RBFOX1: variants seen among roughly 807,000 people sequenced by gnomAD.
The protein encoded by RBFOX1 is RNA binding protein fox-1 homolog 1.
A neutral mutation model predicts 57.7 loss-of-function variants in RBFOX1; 8 were observed. The observed-to-expected ratio is 0.14, with a 90% CI of 0.08 to 0.25. The LOEUF (loss-of-function observed/expected upper bound fraction) is 0.25. Among genes scored for constraint, RBFOX1 ranks in the 10% least tolerant of loss-of-function variants. RBFOX1 has a pLI of 1.00. For synonymous variants in RBFOX1, 326 were observed against 222.4 expected (o/e 1.47, Z -4.15); for missense variants, 611 against 548.5 (o/e 1.11, Z -1.14).
chr16:7,688,279 G>GAC (rs2076552623), intron 14 of RBFOX1, among the ~76,000 whole-genome samples: 3 of 150,826 alleles, frequency 2.0e-5, no homozygotes, highest in Non-Finnish European at 4.4e-5. Flanking sequence ...GAGAGAGAGA[G>GAC]AGAGATTCAA....
In RBFOX1 at chr16:7,011,809, G is replaced by A. The variant is rs965780635; in HGVS notation, c.-15-40248G>A. Among the ~76,000 whole-genome samples, 35 of 152,240 alleles carry A rather than the reference G, an allele frequency of 2.3e-4. 1 individual carries two copies. The highest frequency in any genetic ancestry group is 6.3e-4 in the African/African-American group (26 of 41,558). ...GATTACAGGCGTGAGCCGCCGCACC[G>A]TGCCCCAAGTTGTTTTTGGACAGTG... On this transcript the variant is annotated intron_variant, in intron 3 of 15. Coordinates refer to ENST00000550418, the MANE Select transcript of RBFOX1 (RefSeq NM_018723.4).
intron 2 of RBFOX1, among the ~76,000 whole-genome samples, chr16:6,377,286 A>G (rs1245239241): frequency 5.0e-5 from 6 of 120,604 alleles, no homozygotes; most frequent in Admixed American, 1.6e-4. Flanking sequence ...AAAAAAAAAA[A>G]AAAAGAAAAA....
intron 4 of RBFOX1, among the ~76,000 whole-genome samples, chr16:7,086,549 T>A (rs2060005576): frequency 6.6e-6 from 1 of 152,090 alleles, no homozygotes; most frequent in Admixed American, 6.5e-5. Context: ...AAAGAAAAAC[T>A]AATAAAGGAA....
intron 2 of RBFOX1, among the ~76,000 whole-genome samples, chr16:5,578,525 C>G (rs1304358193): frequency 2.0e-5 from 3 of 152,282 alleles, no homozygotes; most frequent in East Asian, 3.9e-4. Context: ...AAAGAACTGT[C>G]AATTTCAAAA....
chr16:6,247,589 CTTTAT>C (rs2152937972), intron 1 of RBFOX1, among the ~76,000 whole-genome samples: 1 of 152,302 alleles, frequency 6.6e-6, no homozygotes, highest in South Asian at 2.1e-4. Context: ...GCAAGAATTA[CTTTAT>C]TTTATCTGCA....
At chr16:6,530,292 C>T (rs1443992084) in intron 2 of RBFOX1, among the ~76,000 whole-genome samples, 1 of 152,110 alleles carries the variant, frequency 6.6e-6, no homozygotes, top group Non-Finnish European at 1.5e-5. Context: ...TGCTTGCATT[C>T]CTCTTATTTG....
intron 4 of RBFOX1, among the ~76,000 whole-genome samples, chr16:7,475,009 T>C (rs969466264): frequency 4.6e-5 from 7 of 152,292 alleles, no homozygotes; most frequent in Admixed American, 3.3e-4. Flanking sequence ...CTCTAGATGG[T>C]TCCACACAAT....
intron 4 of RBFOX1, among the ~76,000 whole-genome samples, chr16:5,960,714 G>A (rs775983762): frequency 2.6e-5 from 4 of 152,232 alleles, no homozygotes; most frequent in South Asian, 4.2e-4. Flanking sequence ...GAGCCCAGCC[G>A]CACCTCCTCC....
At chr16:6,989,434 CT>C (rs1290397312) in intron 3 of RBFOX1, among the ~76,000 whole-genome samples, 4 of 152,098 alleles carry the variant, frequency 2.6e-5, no homozygotes, top group Admixed American at 6.5e-5. Context: ...GCAATTAGAA[CT>C]TTTTTTCCCC....
chr16:7,439,133 G>T (rs752148792), intron 4 of RBFOX1, among the ~76,000 whole-genome samples: 3 of 152,194 alleles, frequency 2.0e-5, no homozygotes, highest in Non-Finnish European at 2.9e-5. Context: ...GGATGCCCTT[G>T]TCCTTCTGCT....
At chr16:6,389,336 C>T (rs928943887) in intron 2 of RBFOX1, among the ~76,000 whole-genome samples, 7 of 147,864 alleles carry the variant, frequency 4.7e-5, no homozygotes, top group Non-Finnish European at 8.9e-5. Flanking sequence ...ACCTGCCCAC[C>T]ACTAGCTTAC....
intron 9 of RBFOX1, among the ~76,000 whole-genome samples, chr16:7,603,543 C>G (rs1163643505): frequency 6.6e-6 from 1 of 152,124 alleles, no homozygotes; most frequent in East Asian, 1.9e-4. Context: ...GGGAAAGTGA[C>G]ATTAACTGGC....
At chr16:5,433,777 C>G (rs1468515012) in intron 1 of RBFOX1, among the ~76,000 whole-genome samples, 1 of 152,160 alleles carries the variant, frequency 6.6e-6, no homozygotes, top group African/African-American at 2.4e-5. Flanking sequence ...GTGTCAGGCC[C>G]TTCTTGTTCA....
At chr16:7,040,240 C>G (rs994095787) in intron 3 of RBFOX1, among the ~76,000 whole-genome samples, 3 of 151,686 alleles carry the variant, frequency 2.0e-5, no homozygotes, top group African/African-American at 7.3e-5. Context: ...AGGATGGTCT[C>G]GATCTCTTGA....
chr16:7,261,020 C>G (rs568858866), intron 4 of RBFOX1, among the ~76,000 whole-genome samples: 185 of 152,256 alleles, frequency 1.2e-3, no homozygotes, highest in African/African-American at 4.0e-3. Flanking sequence ...GGAAGTTTCT[C>G]CCAAGCCTAC....
At chr16:6,850,615 A>G (rs1188792850) in intron 3 of RBFOX1, among the ~76,000 whole-genome samples, 1 of 152,210 alleles carries the variant, frequency 6.6e-6, no homozygotes, top group Non-Finnish European at 1.5e-5. Flanking sequence ...CATGCCTTCC[A>G]CAGATGACTC....
chr16:6,320,836 C>T (rs1045730064), intron 2 of RBFOX1, among the ~76,000 whole-genome samples: 2 of 152,118 alleles, frequency 1.3e-5, no homozygotes, highest in African/African-American at 4.8e-5. Context: ...CTCTGTTGCC[C>T]AGGCTGGAGT....
intron 3 of RBFOX1, among the ~76,000 whole-genome samples, chr16:6,869,691 C>T (rs999958162): frequency 1.3e-5 from 2 of 152,170 alleles, no homozygotes; most frequent in African/African-American, 2.4e-5. Flanking sequence ...CTAGGACACA[C>T]ATTCATGCAG....
chr16:6,489,009 C>G (rs2153123792), intron 2 of RBFOX1, among the ~76,000 whole-genome samples: 1 of 152,282 alleles, frequency 6.6e-6, no homozygotes, highest in African/African-American at 2.4e-5. Flanking sequence ...TCAGACGGTC[C>G]TTATTCCCTT....
Sources: allele counts gnomAD v4.1 joint callset (sites outside exome capture counted in the v4.1 genomes callset), GRCh38; gene constraint gnomAD v4.1.1; transcripts MANE v1.5; gene names NCBI Gene and HGNC (gene_info 2026-07-23, HGNC 2026-07-21).